Variants in HELZ observed in about 807,000 individuals in gnomAD.
HELZ encodes helicase with zinc finger.
Under a neutral mutation model 218.2 loss-of-function variants are expected in HELZ, and 23 were observed. The ratio of observed to expected loss-of-function variants is 0.11; its 90% CI spans 0.08 to 0.15. HELZ has a LOEUF of 0.15. Among genes scored for constraint, HELZ ranks in the 10% least tolerant of loss-of-function variants. The pLI is 1.00. For synonymous variants in HELZ, 814 were observed against 829.4 expected (o/e 0.98, Z 0.32); for missense variants, 1,813 against 2,353.7 (o/e 0.77, Z 4.75).
chr17:67,147,082 A>G (rs1208116474), intron 20 of HELZ, among the ~76,000 whole-genome samples: 1 of 152,166 alleles, frequency 6.6e-6, no homozygotes, highest in Non-Finnish European at 1.5e-5. Context: ...CTTTTAAAGC[A>G]GATTACTTGT....
intron 31 of HELZ, among the ~76,000 whole-genome samples, chr17:67,096,575 C>T (rs2036755914): frequency 6.6e-6 from 1 of 152,204 alleles, no homozygotes; most frequent in African/African-American, 2.4e-5. Flanking sequence ...GCTGTTTCAC[C>T]TTGCACTTTT....
intron 12 of HELZ, among the ~76,000 whole-genome samples, chr17:67,180,803 G>A (rs943020593): frequency 9.9e-5 from 15 of 151,176 alleles, no homozygotes; most frequent in South Asian, 2.1e-4. Flanking sequence ...GCGTGAACCC[G>A]GAAGGCGGAG....
At chr17:67,106,454 C>T (rs1298364049) in intron 31 of HELZ, among the ~76,000 whole-genome samples, 1 of 151,518 alleles carries the variant, frequency 6.6e-6, no homozygotes, top group African/African-American at 2.4e-5. Flanking sequence ...ACTACAGGCG[C>T]CCGCCACCAC....
At chr17:67,237,178 G>C (rs141729111) in intron 3 of HELZ, among the ~76,000 whole-genome samples, 1 of 152,048 alleles carries the variant, frequency 6.6e-6, no homozygotes, top group African/African-American at 2.4e-5. Flanking sequence ...CAAGCTACTA[G>C]GGAGGCTGAG....
Position 67,160,763 on chromosome 17 carries a change from G to A in HELZ, c.2075+134C>T, listed in dbSNP as rs2038972016. On this transcript the variant is annotated intron_variant, in intron 16 of 32. Coordinates refer to ENST00000358691, the MANE Select transcript of HELZ (RefSeq NM_014877.4). ...TAGTGCTCTGGGGTTTGGATTTACG[G>A]CTTTTCCTTTTCTCTTTTTTTCATG... The A allele has an allele frequency of 9.3e-6, 6 of 642,786 alleles. No homozygotes were observed. The Admixed American group carries it at 1.8e-4, about 20-fold the overall frequency. The allele number at this position is 642,786 out of a possible 1,614,324, so 39.8% of individuals were successfully genotyped here. A position where few individuals can be genotyped will look rare whatever the true frequency, so the allele number is the denominator to read the frequency against.
chr17:67,186,258 C>G (rs894385056), intron 12 of HELZ, among the ~76,000 whole-genome samples: 1 of 152,056 alleles, frequency 6.6e-6, no homozygotes, highest in Non-Finnish European at 1.5e-5. Flanking sequence ...ATAATAGCTA[C>G]TATTAACTAA....
At chr17:67,122,243 T>C (rs1278152235) in intron 26 of HELZ, among the ~76,000 whole-genome samples, 8 of 151,640 alleles carry the variant, frequency 5.3e-5, no homozygotes, top group African/African-American at 2.4e-5. Flanking sequence ...TCTCTACCAA[T>C]ACAAAAAATT....
In HELZ at chr17:67,092,023, TAAC is replaced by T. The variant is rs1278206605; in HGVS notation, c.5242-4945_5242-4943del. Among the ~76,000 whole-genome samples the T allele has an allele frequency of 3.3e-5, 5 of 152,316 alleles. No individual in the cohort carries two copies. The East Asian group carries it at 9.6e-4, about 29-fold the overall frequency. ...ATAAGACTAAAAATAATCAATTTAT[TAAC>T]AAGCCAGATAACGTGTGATGAATAA... is the stretch of plus-strand genomic sequence containing the variant. On this transcript the variant is annotated intron_variant, in intron 31 of 32. Transcript: ENST00000358691.
chr17:67,105,468 T>C (rs1365040522), intron 31 of HELZ, among the ~76,000 whole-genome samples: 1 of 152,124 alleles, frequency 6.6e-6, no homozygotes, highest in Non-Finnish European at 1.5e-5. Context: ...GAAATTGGGG[T>C]GTAATTGCTT....
At chr17:67,195,611 T>C (rs1427641635) in intron 7 of HELZ, 141 bp from the exon 8 acceptor site, 1 of 565,268 alleles carries the variant, frequency 1.8e-6, no homozygotes, top group African/African-American at 1.9e-5. Flanking sequence ...TGCCAATGAT[T>C]TTTGTTTTTT....
chr17:67,172,543 A>G (rs143186617), intron 13 of HELZ, among the ~76,000 whole-genome samples: 85 of 152,292 alleles, frequency 5.6e-4, no homozygotes, highest in African/African-American at 1.9e-3. Context: ...ATTTCCTAAC[A>G]TATTCTTGAA....
Position 67,160,246 on chromosome 17 carries a change from C to T in HELZ, c.2177+15G>A. 1 of 1,410,524 alleles carries T rather than the reference C, an allele frequency of 7.1e-7. No individual in the cohort carries two copies. Among genetic ancestry groups the T allele is most frequent in the Non-Finnish European group, 1.0e-6 (1 of 995,446 alleles). 87.4% of individuals were successfully genotyped at this position (1,410,524 alleles called of 1,614,324 possible). A position where few individuals can be genotyped will look rare whatever the true frequency, so the allele number is the denominator to read the frequency against. On this transcript the variant is annotated intron_variant, in intron 17 of 32. Transcript: ENST00000358691. Reference sequence around the variant, plus strand: ...AAGTATGATACAGATACATAATAAGCCTTAAAAAAAATACCTGAGAGGTCT... The same window carrying T: ...AAGTATGATACAGATACATAATAAGTCTTAAAAAAAATACCTGAGAGGTCT...
In HELZ at chr17:67,083,612, G is replaced by A. The variant is rs943083776; in HGVS notation, c.5494+3217C>T. 5.9e-5 allele frequency among the ~76,000 whole-genome samples: 9 copies of A among 152,318 alleles called. No homozygotes were observed. In the East Asian group the frequency reaches 1.7e-3, roughly 29 times the overall value. Reference sequence around the variant, plus strand: ...CATTGCACTCCAGTCTGGGTGTCAAGAGCAAGACTGTGTCTCAAAAACAAA... The same window carrying A: ...CATTGCACTCCAGTCTGGGTGTCAAAAGCAAGACTGTGTCTCAAAAACAAA... On this transcript the variant is annotated intron_variant, in intron 32 of 32. Transcript: ENST00000358691.
At chr17:67,234,213 C>T (rs1251277406) in intron 3 of HELZ, among the ~76,000 whole-genome samples, 1 of 145,224 alleles carries the variant, frequency 6.9e-6, no homozygotes, top group Admixed American at 7.1e-5. Flanking sequence ...ATCCCAGCTA[C>T]TAGGGAGGCT....
At chr17:67,170,275 C>T (rs1014126864) in intron 13 of HELZ, among the ~76,000 whole-genome samples, 1 of 152,222 alleles carries the variant, frequency 6.6e-6, no homozygotes, top group African/African-American at 2.4e-5. Context: ...CGCCTGGGCC[C>T]TCAGACTGTT....
chr17:67,191,112 T>C (rs1283703287), intron 9 of HELZ, among the ~76,000 whole-genome samples: 2 of 152,222 alleles, frequency 1.3e-5, no homozygotes, highest in Admixed American at 6.5e-5. Flanking sequence ...AAATTTTCTA[T>C]ATATGGGAAT....
At chr17:67,097,607 A>G (rs1320048060) in intron 31 of HELZ, among the ~76,000 whole-genome samples, 2 of 152,230 alleles carry the variant, frequency 1.3e-5, no homozygotes, top group Non-Finnish European at 2.9e-5. Flanking sequence ...ACCAGAACGA[A>G]TACAATATTA....
At chr17:67,224,599 C>A in intron 3 of HELZ, 1 of 482,018 alleles carries the variant, frequency 2.1e-6, no homozygotes, top group Non-Finnish European at 3.8e-6. Flanking sequence ...TTATTTATTA[C>A]TAATAACAGT....
At chr17:67,122,342 G>A (rs982905932) in intron 26 of HELZ, among the ~76,000 whole-genome samples, 21 of 152,134 alleles carry the variant, frequency 1.4e-4, no homozygotes, top group East Asian at 3.9e-4. Context: ...TCAGGAGATC[G>A]AGACCATCCT....
Sources: gnomAD v4.1 joint callset for allele counts (sites outside exome capture counted in the v4.1 genomes callset) on GRCh38, gnomAD v4.1.1 for gene constraint, MANE v1.5 for transcripts, NCBI Gene and HGNC (gene_info 2026-07-23, HGNC 2026-07-21) for gene names.